The following PPM1L variants were observed in gnomAD, a reference collection of about 807,000 sequenced individuals.
The protein encoded by PPM1L is protein phosphatase 1L.
A neutral mutation model predicts 31.4 loss-of-function variants in PPM1L; 13 were observed. The observed-to-expected ratio is 0.41, with a 90% CI of 0.27 to 0.66. The LOEUF is 0.66. Among genes scored for constraint, PPM1L ranks in the 30% least tolerant of loss-of-function variants. PPM1L has a pLI of 0.29. For missense variants in PPM1L, 326 were observed against 453.7 expected (o/e 0.72, Z 2.56); for synonymous variants, 184 against 175.4 (o/e 1.05, Z -0.39).
intron 2 of PPM1L, among the ~76,000 whole-genome samples, chr3:160,984,889 T>C (rs1420950762): frequency 6.6e-6 from 1 of 152,130 alleles, no homozygotes; most frequent in Non-Finnish European, 1.5e-5. Flanking sequence ...TTTTTAGTTG[T>C]CACAGCTTAG....
rs369208488 is a variant in PPM1L at position 160,844,065 on chromosome 3, T to C, written c.399+87358T>C. Among the ~76,000 whole-genome samples the C allele has an allele frequency of 2.3e-4, 35 of 152,308 alleles. 2 individuals are homozygous for C. In the East Asian group the frequency reaches 3.7e-3, roughly 16 times the overall value. ...GGCCCAGAGAAGCCAAAAGACTGGA[T>C]ACCCCTGCTTTTGAGCCAGAAAAAC... On this transcript the variant is annotated intron_variant, in intron 1 of 3. Coordinates refer to ENST00000498165, the MANE Select transcript of PPM1L (RefSeq NM_139245.4).
At chr3:160,763,385 A>G (rs555689623) in intron 1 of PPM1L, among the ~76,000 whole-genome samples, 22 of 152,332 alleles carry the variant, frequency 1.4e-4, no homozygotes, top group African/African-American at 5.1e-4. Flanking sequence ...ATGCAGGTAA[A>G]TGGGAAGAGA....
chr3:160,840,197 G>GCA (rs1560122110), intron 1 of PPM1L, among the ~76,000 whole-genome samples: 3 of 152,168 alleles, frequency 2.0e-5, no homozygotes, highest in African/African-American at 7.2e-5. Context: ...CTTTTGGAAA[G>GCA]CATCGTGAAA....
chr3:160,931,368 A>C (rs766024414), intron 1 of PPM1L, among the ~76,000 whole-genome samples: 1 of 152,222 alleles, frequency 6.6e-6, no homozygotes, highest in Non-Finnish European at 1.5e-5. Flanking sequence ...AGCTGCACCC[A>C]TCACCTGGAA....
intron 1 of PPM1L, among the ~76,000 whole-genome samples, chr3:160,839,266 T>A (rs980707160): frequency 6.6e-6 from 1 of 152,242 alleles, no homozygotes; most frequent in African/African-American, 2.4e-5. Context: ...CTCACTGTTT[T>A]TACTTAGATT....
intron 1 of PPM1L, among the ~76,000 whole-genome samples, chr3:160,890,338 A>G (rs1013311399): frequency 9.2e-5 from 14 of 152,196 alleles, no homozygotes; most frequent in African/African-American, 3.1e-4. Context: ...GCATGCCTTT[A>G]CACCAACAAT....
At chr3:160,919,351 G>T (rs1426419285) in intron 1 of PPM1L, among the ~76,000 whole-genome samples, 1 of 151,940 alleles carries the variant, frequency 6.6e-6, no homozygotes, top group African/African-American at 2.4e-5. Context: ...TTAAGAACTG[G>T]GCTTTCTTCC....
intron 1 of PPM1L, among the ~76,000 whole-genome samples, chr3:160,960,558 TTGTGTGTG>T (rs59297068): frequency 0.028 from 4,081 of 145,492 alleles, 112 homozygotes; most frequent in African/African-American, 0.074. Context: ...TTTAGCAGTT[TTGTGTGTG>T]TGTGTGTGTG....
rs185610372 is a variant in PPM1L, at chr3:161,030,534, G to A, written c.575-34869G>A. On this transcript the variant is annotated intron_variant, in intron 2 of 3. Coordinates refer to ENST00000498165, the MANE Select transcript of PPM1L (RefSeq NM_139245.4). Reference sequence around the variant, plus strand: ...ACCTAGTCTCAGGTATTTTGTTATAGCAGCCTAAATGGACTACGACAACAA... The same window carrying A: ...ACCTAGTCTCAGGTATTTTGTTATAACAGCCTAAATGGACTACGACAACAA... Among the ~76,000 whole-genome samples the A allele has an allele frequency of 1.1e-3, 175 of 152,174 alleles. 1 individual carries two copies. The highest frequency in any genetic ancestry group is 2.7e-3 in the South Asian group (13 of 4,816).
chr3:161,068,955 C>G lies in PPM1L; in HGVS notation c.881C>G (p.Pro294Arg). 1 of 1,614,188 alleles carries G rather than the reference C, an allele frequency of 6.2e-7. No individual in the cohort carries two copies. The highest frequency in any genetic ancestry group is 2.2e-5 in the East Asian group (1 of 44,890). The change falls in exon 4 of 4, where the codon CCT becomes CGT. Residue 294 changes from proline (P) to arginine (R), a missense_variant. This residue lies in a region of PPM1L where 201 missense variants were observed against 298.2 expected (regional missense o/e 0.67). Coordinates refer to ENST00000498165, the MANE Select transcript of PPM1L (RefSeq NM_139245.4). ...ILTFDLDKLQ[P>R]EFMILASDGL... is the part of the protein sequence containing the mutation. ...ACCTTTGACCTGGACAAGCTTCAGC[C>G]TGAGTTCATGATCTTGGCATCAGAT...
intron 1 of PPM1L, among the ~76,000 whole-genome samples, chr3:160,927,375 A>G (rs953698519): frequency 6.6e-6 from 1 of 152,226 alleles, no homozygotes; most frequent in Non-Finnish European, 1.5e-5. Flanking sequence ...GGGAGCAATC[A>G]TAAAATCATA....
intron 2 of PPM1L, among the ~76,000 whole-genome samples, chr3:161,042,637 C>A (rs1320634720): frequency 6.6e-6 from 1 of 152,190 alleles, no homozygotes; most frequent in Non-Finnish European, 1.5e-5. Context: ...TTAAAGAACT[C>A]CAATAAGCAA....
At chr3:160,776,725 C>T (rs979571594) in intron 1 of PPM1L, among the ~76,000 whole-genome samples, 2 of 151,732 alleles carry the variant, frequency 1.3e-5, no homozygotes, top group African/African-American at 4.8e-5. Flanking sequence ...GCCTCAGCCT[C>T]CTGTAACTGG....
intron 1 of PPM1L, among the ~76,000 whole-genome samples, chr3:160,896,564 T>C (rs1369679917): frequency 6.6e-6 from 1 of 152,194 alleles, no homozygotes; most frequent in East Asian, 1.9e-4. Flanking sequence ...ATGTTCAAGA[T>C]GGCAAAAAGA....
In PPM1L at chr3:160,792,989, G is replaced by T. The variant is rs905138394; in HGVS notation, c.399+36282G>T. 2.0e-5 allele frequency among the ~76,000 whole-genome samples: 3 copies of T among 152,174 alleles called. 1 individual carries two copies. The South Asian group carries it at 6.2e-4, about 31-fold the overall frequency. ...ATGTTTTTCTCATTATTAGACTGGG[G>T]TTATGGTTTTTTGAAGGAAGGTCAC... On this transcript the variant is annotated intron_variant, in intron 1 of 3. Coordinates refer to ENST00000498165, the MANE Select transcript of PPM1L (RefSeq NM_139245.4).
chr3:160,823,964 C>T (rs1008531082), intron 1 of PPM1L, among the ~76,000 whole-genome samples: 1 of 152,050 alleles, frequency 6.6e-6, no homozygotes, highest in African/African-American at 2.4e-5. Flanking sequence ...GGGAAGGACT[C>T]CTGCTTTTAT....
intron 1 of PPM1L, among the ~76,000 whole-genome samples, chr3:160,759,752 A>G (rs960479478): frequency 4.6e-5 from 7 of 152,174 alleles, no homozygotes; most frequent in African/African-American, 1.4e-4. Context: ...AACGCCTTGA[A>G]GGTATTGTTT....
chr3:160,883,061 A>G (rs1036216747), intron 1 of PPM1L, among the ~76,000 whole-genome samples: 3 of 152,236 alleles, frequency 2.0e-5, no homozygotes, highest in Admixed American at 6.5e-5. Flanking sequence ...GTCAGGCATT[A>G]TGTGGGTAGC....
chr3:161,038,233 C>CA (rs71628440), intron 2 of PPM1L, among the ~76,000 whole-genome samples: 4,932 of 88,844 alleles, frequency 0.056, 298 homozygotes, highest in African/African-American at 0.082. Flanking sequence ...GACTCCGTCT[C>CA]AAAAAAAAAA....
Sources: allele counts gnomAD v4.1 joint callset (sites outside exome capture counted in the v4.1 genomes callset), GRCh38; gene constraint gnomAD v4.1.1; regional missense constraint gnomAD v4.1.1; transcripts MANE v1.5; gene names NCBI Gene and HGNC (gene_info 2026-07-23, HGNC 2026-07-21).